Variants in ATP2C2 observed in about 807,000 individuals in gnomAD.
ATP2C2 encodes the protein calcium-transporting ATPase type 2C member 2.
A neutral mutation model predicts 110.8 loss-of-function variants in ATP2C2; 171 were observed. That is an observed-to-expected ratio of 1.54 (90% confidence interval 1.36 to 1.75). The LOEUF (loss-of-function observed/expected upper bound fraction) is 1.75. ATP2C2 is among the 40% of genes most tolerant of loss of function. The pLI, the probability that ATP2C2 is intolerant of heterozygous loss-of-function variation, is 0.00. For synonymous variants in ATP2C2, 804 were observed against 508.4 expected, an observed-to-expected ratio of 1.58 and a Z score of -7.82; for missense variants, 1,963 against 1,235.0, an observed-to-expected ratio of 1.59 and a Z score of -8.84.
rs3837762 is a variant in ATP2C2 at position 84,451,840 on chromosome 16, A to AAAC, written c.1661-68_1661-66dup. 8 of 1,382,248 alleles carry AAAC rather than the reference A, an allele frequency of 5.8e-6. 1 individual carries two copies. Among genetic ancestry groups the AAAC allele is most frequent in the Non-Finnish European group, 3.0e-6 (3 of 1,008,414 alleles). The allele number at this position is 1,382,248 out of a possible 1,614,324, so 85.6% of individuals were successfully genotyped here. A position where few individuals can be genotyped will look rare whatever the true frequency, so the allele number is the denominator to read the frequency against. ...GCGATAAGAACAAAACTCTCTTAAA[A>AAAC]AACAACAACAACAACCAACAACAAA... is the stretch of plus-strand genomic sequence containing the variant. On this transcript the variant is annotated intron_variant, in intron 17 of 26. Transcript: ENST00000262429.
At chr16:84,371,120 G>C (rs1278709779) in intron 1 of ATP2C2, among the ~76,000 whole-genome samples, 3 of 152,216 alleles carry the variant, frequency 2.0e-5, no homozygotes, top group African/African-American at 7.2e-5. Flanking sequence ...GAGAATCAAA[G>C]AGTAGAGGAC....
chr16:84,390,668 C>G (rs1029345422), intron 1 of ATP2C2, among the ~76,000 whole-genome samples: 7 of 152,124 alleles, frequency 4.6e-5, no homozygotes, highest in African/African-American at 1.7e-4. Context: ...GGATTTTCCT[C>G]TGGCGGGCGG....
In ATP2C2 at chr16:84,463,724, G is replaced by C. The variant is rs771832596; in HGVS notation, c.2833G>C (p.Asp945His). The change falls in exon 27 of 27, where the codon GAT (aspartate) becomes CAT (histidine). Residue 945 changes from aspartate (D) to histidine (H), a missense_variant. Physicochemically the swap from Asp to His is moderately conservative, Grantham distance 81. Transcript: ENST00000262429. ...CAAGAGAGTCCAGATGCACCCTGAA[G>C]ATGTGTAGTGGACCGCACTCCGCGG... is the stretch of plus-strand genomic sequence containing the variant. ...SPKRVQMHPE[D>H]V 10 of 1,612,132 alleles carry C rather than the reference G, an allele frequency of 6.2e-6. No individual in the cohort carries two copies. The highest frequency in any genetic ancestry group is 7.6e-6 in the Non-Finnish European group (9 of 1,178,468).
At chr16:84,422,269 C>T (rs1907407449) in intron 7 of ATP2C2, 121 bp from the exon 8 acceptor site, 3 of 1,209,978 alleles carry the variant, frequency 2.5e-6, no homozygotes, top group Admixed American at 4.9e-5. Flanking sequence ...GACACTCATT[C>T]TGTAGGTTCA....
intron 11 of ATP2C2, among the ~76,000 whole-genome samples, chr16:84,431,752 C>T (rs12920819): frequency 0.31 from 47,233 of 151,968 alleles, 7,629 homozygotes; most frequent in African/African-American, 0.37. Context: ...TATTCCTAAC[C>T]TCATCATCAG....
At chr16:84,372,143 G>A (rs1375780847) in intron 1 of ATP2C2, among the ~76,000 whole-genome samples, 2 of 152,168 alleles carry the variant, frequency 1.3e-5, no homozygotes, top group Non-Finnish European at 2.9e-5. Flanking sequence ...CAGAGTGTGG[G>A]CTTTATCCCT....
chr16:84,396,361 C>T (rs545722027), intron 1 of ATP2C2, among the ~76,000 whole-genome samples: 4 of 151,820 alleles, frequency 2.6e-5, no homozygotes, highest in Admixed American at 6.6e-5. Context: ...GCCTGGCCAA[C>T]CTGGTGAAAA....
In ATP2C2 at chr16:84,424,567, C is replaced by T. The variant is rs548854386; in HGVS notation, c.920-1168C>T. On this transcript the variant is annotated intron_variant, in intron 10 of 26. Transcript: ENST00000262429. ...TGCTAGGATTACAGGCATGAGCCACCGCACTGGGCTTTTTTTTTTTTTTTT... is the reference window on the plus strand; with the variant it reads ...TGCTAGGATTACAGGCATGAGCCACTGCACTGGGCTTTTTTTTTTTTTTTT... 2.8e-3 allele frequency among the ~76,000 whole-genome samples: 327 copies of T among 117,292 alleles called. 2 individuals are homozygous for T. The highest frequency in any genetic ancestry group is 0.01 in the African/African-American group (267 of 26,442). 76.9% of individuals were successfully genotyped at this position (117,292 alleles called of 152,430 possible).
At chr16:84,452,810 TA>T (rs1243311274) in intron 18 of ATP2C2, among the ~76,000 whole-genome samples, 3 of 152,024 alleles carry the variant, frequency 2.0e-5, no homozygotes, top group African/African-American at 7.2e-5. Flanking sequence ...CTCTAGTTAC[TA>T]TTATATGGGT....
At chr16:84,435,895 G>T (rs1016968152) in intron 11 of ATP2C2, among the ~76,000 whole-genome samples, 1 of 151,892 alleles carries the variant, frequency 6.6e-6, no homozygotes, top group African/African-American at 2.4e-5. Context: ...TTGGGAGGCC[G>T]AGGCAGGTGG....
chr16:84,392,002 C>A (rs765371231), intron 1 of ATP2C2, among the ~76,000 whole-genome samples: 1 of 150,884 alleles, frequency 6.6e-6, no homozygotes, highest in Admixed American at 6.6e-5. Context: ...ATATCAGTGA[C>A]GTCTCCTTAG....
At chr16:84,373,016 AGGC>A (rs1910044079) in intron 1 of ATP2C2, among the ~76,000 whole-genome samples, 2 of 151,176 alleles carry the variant, frequency 1.3e-5, no homozygotes, top group Non-Finnish European at 2.9e-5. Flanking sequence ...GCTACTGCGG[AGGC>A]TGAGGCAGGA....
intron 1 of ATP2C2, 36 bp downstream of exon 1, chr16:84,368,750 C>G (rs1041436116): frequency 2.7e-6 from 4 of 1,456,666 alleles, no homozygotes; most frequent in Non-Finnish European, 9.2e-7. Context: ...GCGTGCGACC[C>G]GACCCCCCAT....
At chr16:84,412,186 T>G (rs905808657) in intron 6 of ATP2C2, among the ~76,000 whole-genome samples, 1 of 152,190 alleles carries the variant, frequency 6.6e-6, no homozygotes, top group Non-Finnish European at 1.5e-5. Context: ...ACCTGACTAC[T>G]TTTTTGTATC....
intron 24 of ATP2C2, 160 bp downstream of exon 24, chr16:84,460,961 C>T (rs986595165): frequency 3.7e-6 from 4 of 1,073,042 alleles, no homozygotes; most frequent in Non-Finnish European, 5.2e-6. Flanking sequence ...GTGCATGAGG[C>T]AAAGGGACTG....
intron 21 of ATP2C2, among the ~76,000 whole-genome samples, chr16:84,458,637 A>C (rs1910927793): frequency 6.6e-6 from 1 of 152,230 alleles, no homozygotes; most frequent in Non-Finnish European, 1.5e-5. Context: ...GTCAAGGTTT[A>C]AAAGGGCTTC....
chr16:84,446,179 A>G (rs759860670), intron 15 of ATP2C2, 150 bp from the exon 16 acceptor site: 1 of 416,024 alleles, frequency 2.4e-6, no homozygotes, highest in Non-Finnish European at 4.2e-6. Context: ...GGGACATTCC[A>G]AGAGAAATGG....
intron 11 of ATP2C2, among the ~76,000 whole-genome samples, chr16:84,427,271 A>G (rs1173602408): frequency 1.3e-5 from 2 of 152,238 alleles, no homozygotes; most frequent in Non-Finnish European, 2.9e-5. Flanking sequence ...ATTAAAGAAT[A>G]AACAACTTAG....
chr16:84,454,345 C>G (rs1010735392), intron 20 of ATP2C2, among the ~76,000 whole-genome samples: 1 of 152,182 alleles, frequency 6.6e-6, no homozygotes, highest in Non-Finnish European at 1.5e-5. Flanking sequence ...CGCCTGTGCT[C>G]TGAAAGTTTG....
Sources: allele counts gnomAD v4.1 joint callset (sites outside exome capture counted in the v4.1 genomes callset), GRCh38; gene constraint gnomAD v4.1.1; transcripts MANE v1.5; gene names NCBI Gene and HGNC (gene_info 2026-07-23, HGNC 2026-07-21).